Variants in SH3D19 observed in about 807,000 individuals in gnomAD.
SH3D19 encodes SH3 domain containing 19.
SH3D19 carries 58 observed loss-of-function variants against 112.1 expected under a neutral mutation model. That is an observed-to-expected ratio of 0.52 (90% confidence interval 0.42 to 0.64). The LOEUF (loss-of-function observed/expected upper bound fraction) is 0.64, where lower values mean the gene tolerates loss of function less well. SH3D19 is among the 30% of genes least tolerant of loss of function. The probability of loss-of-function intolerance (pLI) is 0.00; values close to 1 mark genes in which losing one functional copy is unlikely to be tolerated. For synonymous variants in SH3D19, 391 were observed against 448.5 expected (o/e 0.87, Z 1.62); for missense variants, 1,090 against 1,263.4 (o/e 0.86, Z 2.08).
At position 151,135,076 on chromosome 4, in the gene SH3D19, A is replaced by G. The variant is rs1751531527; in HGVS notation, c.2484T>C (p.Val828=). The G allele has an allele frequency of 6.3e-7, 1 of 1,598,766 alleles. No individual in the cohort carries two copies. The highest frequency in any genetic ancestry group is 1.3e-5 in the African/African-American group (1 of 74,308). The change falls in exon 15 of 20, where the codon GTT becomes GTC. Residue 828 remains valine, a splice_region_variant and synonymous_variant. Coordinates refer to ENST00000604030, the MANE Select transcript of SH3D19 (RefSeq NM_001378122.1). ...AAAAGAACACAAATAAAACTTACTTAACACAATGAGATGAAACACATTCTC... is the reference window on the plus strand; with the variant it reads ...AAAAGAACACAAATAAAACTTACTTGACACAATGAGATGAAACACATTCTC... ...GKRECVSSHC[V]KGSRCVARFE... is the part of the protein sequence containing the mutation.
chr4:151,194,128 C>T (rs78296340), intron 2 of SH3D19, among the ~76,000 whole-genome samples: 14,708 of 147,710 alleles, frequency 0.1, 1,418 homozygotes, highest in African/African-American at 0.25. Context: ...TGGGTTTTAG[C>T]GATACTCCTG....
At position 151,165,710 on chromosome 4, in the gene SH3D19, T is replaced by C. The variant is rs565312439; in HGVS notation, c.1535-14A>G. The C allele has an allele frequency of 3.8e-5, 61 of 1,606,680 alleles. No individual in the cohort carries two copies. The highest frequency in any genetic ancestry group is 4.8e-5 in the Non-Finnish European group (56 of 1,173,554). On this transcript the variant is annotated splice_polypyrimidine_tract_variant and intron_variant, in intron 7 of 19. Coordinates refer to ENST00000604030, the MANE Select transcript of SH3D19 (RefSeq NM_001378122.1). Reference sequence around the variant, plus strand: ...GCTGAAAGGGATCTAATGAAAAACATAGTTTATTTTGCATGTTTTAGTTAA... The same window carrying C: ...GCTGAAAGGGATCTAATGAAAAACACAGTTTATTTTGCATGTTTTAGTTAA...
chr4:151,291,427 T>A, intron 1 of SH3D19: 1 of 1,612,836 alleles, frequency 6.2e-7, no homozygotes, highest in Non-Finnish European at 8.5e-7. Context: ...AGAGAATGCA[T>A]GGAGATTTAG....
intron 1 of SH3D19, among the ~76,000 whole-genome samples, chr4:151,288,366 T>G (rs1251541455): frequency 6.6e-6 from 1 of 152,176 alleles, no homozygotes; most frequent in Non-Finnish European, 1.5e-5. Context: ...ATTTTATAAA[T>G]AGAAAATCTA....
intron 1 of SH3D19, among the ~76,000 whole-genome samples, chr4:151,245,798 C>T (rs1303337194): frequency 6.6e-6 from 1 of 152,146 alleles, no homozygotes; most frequent in Non-Finnish European, 1.5e-5. Flanking sequence ...GACGAGGTTT[C>T]ACCATATTGG....
intron 1 of SH3D19, among the ~76,000 whole-genome samples, chr4:151,312,654 T>C (rs1332543925): frequency 6.6e-6 from 1 of 152,044 alleles, no homozygotes; most frequent in Admixed American, 6.6e-5. Flanking sequence ...ATCACGGCAC[T>C]TTGGGAGGCC....
chr4:151,207,034 G>C (rs1484025778), intron 2 of SH3D19, among the ~76,000 whole-genome samples: 1 of 152,126 alleles, frequency 6.6e-6, no homozygotes, highest in African/African-American at 2.4e-5. Context: ...ACTTTCATGA[G>C]AAAAAACTTG....
At chr4:151,296,471 G>A (rs1251249796) in intron 1 of SH3D19, among the ~76,000 whole-genome samples, 3 of 152,180 alleles carry the variant, frequency 2.0e-5, no homozygotes, top group Admixed American at 6.5e-5. Flanking sequence ...GTACACTTAA[G>A]AGCCTGTCCC....
chr4:151,250,766 T>TA (rs1279243684), intron 1 of SH3D19, among the ~76,000 whole-genome samples: 1 of 152,250 alleles, frequency 6.6e-6, no homozygotes, highest in African/African-American at 2.4e-5. Context: ...CTGCTGGAGA[T>TA]AAAGAGCATT....
chr4:151,266,505 A>G (rs1225831488), intron 1 of SH3D19, among the ~76,000 whole-genome samples: 3 of 152,228 alleles, frequency 2.0e-5, no homozygotes, highest in Non-Finnish European at 4.4e-5. Context: ...GACTCATATG[A>G]AGAAGAGGTG....
intron 9 of SH3D19, among the ~76,000 whole-genome samples, chr4:151,151,396 CT>C (rs541604965): frequency 1.1e-3 from 154 of 144,798 alleles, no homozygotes; most frequent in East Asian, 2.4e-3. Context: ...AATTACATTG[CT>C]TTTTTTTTTT....
At chr4:151,138,428 G>A (rs1752285604) in intron 13 of SH3D19, among the ~76,000 whole-genome samples, 2 of 152,078 alleles carry the variant, frequency 1.3e-5, no homozygotes, top group East Asian at 1.9e-4. Context: ...GTGGGCATGG[G>A]TGGCTCATGC....
intron 1 of SH3D19, chr4:151,283,211 G>T (rs1403633150): frequency 1.9e-6 from 3 of 1,613,820 alleles, no homozygotes; most frequent in Non-Finnish European, 2.5e-6. Context: ...GTATCTTCTT[G>T]CCAGCACTGG....
At chr4:151,191,025 G>A (rs1046237463) in intron 2 of SH3D19, among the ~76,000 whole-genome samples, 1 of 152,216 alleles carries the variant, frequency 6.6e-6, no homozygotes, top group Non-Finnish European at 1.5e-5. Flanking sequence ...GCATCAGCAT[G>A]ACCTGGATCG....
At chr4:151,305,702 T>C (rs1186448021) in intron 1 of SH3D19, among the ~76,000 whole-genome samples, 2 of 152,184 alleles carry the variant, frequency 1.3e-5, no homozygotes, top group Non-Finnish European at 2.9e-5. Flanking sequence ...TGCAGAACAA[T>C]GAGAACTCTC....
chr4:151,251,606 C>G (rs1369425188), intron 1 of SH3D19, among the ~76,000 whole-genome samples: 1 of 152,088 alleles, frequency 6.6e-6, no homozygotes, highest in Non-Finnish European at 1.5e-5. Flanking sequence ...ACTCTCTACA[C>G]CCCCTTCATT....
intron 9 of SH3D19, among the ~76,000 whole-genome samples, chr4:151,151,120 C>T (rs1754989251): frequency 6.6e-6 from 1 of 152,032 alleles, no homozygotes; most frequent in Admixed American, 6.6e-5. Context: ...GCCACCCCAC[C>T]TGGCTAATTT....
At chr4:151,278,596 C>T (rs1203916159) in intron 1 of SH3D19, among the ~76,000 whole-genome samples, 2 of 152,076 alleles carry the variant, frequency 1.3e-5, no homozygotes, top group African/African-American at 4.8e-5. Context: ...CCCATGTGAC[C>T]TAGGGTTTCC....
intron 4 of SH3D19, among the ~76,000 whole-genome samples, 173 bp downstream of exon 4, chr4:151,179,182 T>C (rs1760431704): frequency 6.6e-6 from 1 of 152,250 alleles, no homozygotes. Flanking sequence ...TCACTCCTTC[T>C]CTCAAGCAAA....
Sources: gnomAD v4.1 joint callset for allele counts (sites outside exome capture counted in the v4.1 genomes callset) on GRCh38, gnomAD v4.1.1 for gene constraint, MANE v1.5 for transcripts, NCBI Gene and HGNC (gene_info 2026-07-23, HGNC 2026-07-21) for gene names.